NPAS2: variants seen among roughly 807,000 people sequenced by gnomAD.
NPAS2 encodes the protein neuronal PAS domain protein 2.
NPAS2 carries 23 observed loss-of-function variants against 107.5 expected under a neutral mutation model. The ratio of observed to expected loss-of-function variants is 0.21; its 90% CI spans 0.15 to 0.30. The LOEUF (loss-of-function observed/expected upper bound fraction) is 0.30, where lower values mean the gene tolerates loss of function less well. Among genes scored for constraint, NPAS2 ranks in the 10% least tolerant of loss-of-function variants. The pLI is 1.00. For missense variants in NPAS2, 756 were observed against 1,043.3 expected, an observed-to-expected ratio of 0.72 and a Z score of 3.79; for synonymous variants, 403 against 417.5, an observed-to-expected ratio of 0.97 and a Z score of 0.42.
intron 1 of NPAS2, among the ~76,000 whole-genome samples, chr2:100,870,233 T>C (rs779725702): frequency 6.6e-6 from 1 of 152,150 alleles, no homozygotes; most frequent in African/African-American, 2.4e-5. Flanking sequence ...TCAACAGTTA[T>C]TCAGAAGTTT....
intron 1 of NPAS2, among the ~76,000 whole-genome samples, chr2:100,858,203 C>G (rs1378774660): frequency 1.3e-5 from 2 of 152,118 alleles, no homozygotes; most frequent in East Asian, 3.9e-4. Context: ...AGCTACAGGC[C>G]ATCTGACTCA....
intron 1 of NPAS2, among the ~76,000 whole-genome samples, chr2:100,834,434 C>T (rs1398642387): frequency 6.6e-6 from 1 of 152,164 alleles, no homozygotes; most frequent in South Asian, 2.1e-4. Context: ...AGGATGGACA[C>T]GGACCGTCCA....
At chr2:100,971,863 A>C (rs1669905169) in intron 12 of NPAS2, among the ~76,000 whole-genome samples, 1 of 151,996 alleles carries the variant, frequency 6.6e-6, no homozygotes, top group African/African-American at 2.4e-5. Flanking sequence ...TGGGAGAAAA[A>C]AAAAAGCAAG....
intron 5 of NPAS2, among the ~76,000 whole-genome samples, chr2:100,944,768 C>T (rs190028686): frequency 6.6e-6 from 1 of 152,262 alleles, no homozygotes; most frequent in Admixed American, 6.5e-5. Context: ...CATATCATAC[C>T]TGCCCCTACT....
intron 4 of NPAS2, chr2:100,934,708 T>C (rs1485385379): frequency 3.7e-6 from 3 of 811,132 alleles, no homozygotes; most frequent in South Asian, 5.6e-5. Context: ...GCTGAGTGAC[T>C]GGAGCCTTCT....
intron 3 of NPAS2, among the ~76,000 whole-genome samples, chr2:100,929,718 G>A (rs1264541638): frequency 1.3e-5 from 2 of 152,172 alleles, no homozygotes; most frequent in South Asian, 2.1e-4. Flanking sequence ...AGGGTGGAGA[G>A]CCTTTCACCA....
intron 3 of NPAS2, among the ~76,000 whole-genome samples, chr2:100,926,687 C>A (rs1435907303): frequency 2.0e-5 from 3 of 152,082 alleles, no homozygotes; most frequent in Non-Finnish European, 2.9e-5. Flanking sequence ...ATTCTAGATA[C>A]TAGACCCTTA....
intron 1 of NPAS2, among the ~76,000 whole-genome samples, chr2:100,888,238 C>G (rs867611053): frequency 6.6e-6 from 1 of 152,200 alleles, no homozygotes; most frequent in African/African-American, 2.4e-5. Flanking sequence ...ATACTAAGCC[C>G]TAAGAACATC....
intron 1 of NPAS2, among the ~76,000 whole-genome samples, chr2:100,890,780 T>A (rs1475261687): frequency 2.6e-5 from 4 of 152,108 alleles, no homozygotes; most frequent in Non-Finnish European, 5.9e-5. Flanking sequence ...GGAAGAGTGC[T>A]CCTTGCTGCT....
chr2:100,927,984 C>A, intron 3 of NPAS2, among the ~76,000 whole-genome samples: 1 of 152,298 alleles, frequency 6.6e-6, no homozygotes, highest in South Asian at 2.1e-4. Context: ...TTCTTCCATG[C>A]AGGCAGTGAT....
At chr2:100,877,176 T>C (rs1479715407) in intron 1 of NPAS2, among the ~76,000 whole-genome samples, 2 of 152,078 alleles carry the variant, frequency 1.3e-5, no homozygotes, top group African/African-American at 4.8e-5. Flanking sequence ...TTTGAAATGA[T>C]TGAAATAGGC....
At chr2:100,822,530 A>G (rs1213096691) in intron 1 of NPAS2, 1 of 152,214 alleles carries the variant, frequency 6.6e-6, no homozygotes, top group Non-Finnish European at 1.5e-5. Context: ...AGCTCACTCA[A>G]CACTGCAACT....
rs188910011 is a variant in NPAS2, at chr2:100,928,296, T to C, written c.181+3002T>C. Among the ~76,000 whole-genome samples the C allele has an allele frequency of 1.1e-4, 16 of 152,264 alleles. No homozygotes were observed. In the East Asian group the frequency reaches 3.1e-3, roughly 29 times the overall value. On this transcript the variant is annotated intron_variant, in intron 3 of 20. Transcript: ENST00000335681. ...CCCTGATAATTTAATCAAATGGTTA[T>C]ATTTCCTAAATAATGATTTAGCCAA...
intron 16 of NPAS2, chr2:100,986,818 CA>C (rs1276684597): frequency 6.6e-6 from 1 of 152,132 alleles, no homozygotes; most frequent in Non-Finnish European, 1.5e-5. Flanking sequence ...CATTATCTAC[CA>C]AAACTATTCA....
intron 12 of NPAS2, among the ~76,000 whole-genome samples, chr2:100,974,081 A>G (rs749306105): frequency 1.7e-4 from 26 of 152,180 alleles, no homozygotes; most frequent in Admixed American, 7.2e-4. Flanking sequence ...ACCTCAAATG[A>G]TCCGCCTGCC....
intron 2 of NPAS2, among the ~76,000 whole-genome samples, chr2:100,916,927 G>A (rs1309666619): frequency 6.6e-6 from 1 of 152,146 alleles, no homozygotes; most frequent in Non-Finnish European, 1.5e-5. Flanking sequence ...AGTAATCCAT[G>A]GGTCAAAGAG....
At chr2:100,856,673 T>C (rs1344814980) in intron 1 of NPAS2, among the ~76,000 whole-genome samples, 9 of 142,932 alleles carry the variant, frequency 6.3e-5, no homozygotes, top group Non-Finnish European at 3.0e-5. Flanking sequence ...CAGCTCGGAC[T>C]TCGGAAGCAA....
rs1277036993 is a variant in NPAS2 at position 100,925,053 on chromosome 2, A to G, written c.33-93A>G. ...TTTTTTGATAAGATAGATGATCACA[A>G]TAGAATGTGCTCTAATAGAAAGTGC... On this transcript the variant is annotated intron_variant, in intron 2 of 20. Transcript: ENST00000335681. 8 of 1,331,556 alleles carry G rather than the reference A, an allele frequency of 6.0e-6. No individual in the cohort carries two copies. The Admixed American group carries it at 1.1e-4, about 18-fold the overall frequency. The allele number at this position is 1,331,556 out of a possible 1,614,324, so 82.5% of individuals were successfully genotyped here.
At chr2:100,906,246 C>T (rs1682139183) in intron 2 of NPAS2, among the ~76,000 whole-genome samples, 1 of 152,182 alleles carries the variant, frequency 6.6e-6, no homozygotes, top group South Asian at 2.1e-4. Flanking sequence ...GTTGCAAAAT[C>T]CACTTGGGTT....
Sources: allele counts gnomAD v4.1 joint callset (sites outside exome capture counted in the v4.1 genomes callset), GRCh38; gene constraint gnomAD v4.1.1; transcripts MANE v1.5; gene names NCBI Gene and HGNC (gene_info 2026-07-23, HGNC 2026-07-21).